KCNK2: variants seen among roughly 807,000 people sequenced by gnomAD.
KCNK2 encodes potassium channel subfamily K member 2.
KCNK2 carries 21 observed loss-of-function variants against 40.5 expected under a neutral mutation model. That is an observed-to-expected ratio of 0.52 (90% CI 0.37 to 0.75). The LOEUF (loss-of-function observed/expected upper bound fraction) is 0.75. Among genes scored for constraint, KCNK2 ranks in the 30% least tolerant of loss-of-function variants. KCNK2 has a pLI of 0.00. For synonymous variants in KCNK2, 191 were observed against 202.2 expected, an observed-to-expected ratio of 0.94 and a Z score of 0.47; for missense variants, 399 against 531.6, an observed-to-expected ratio of 0.75 and a Z score of 2.45.
chr1:215,230,983 C>A (rs1045528841), intron 6 of KCNK2, among the ~76,000 whole-genome samples: 1 of 152,124 alleles, frequency 6.6e-6, no homozygotes, highest in African/African-American at 2.4e-5. Context: ...TTGCATTCAG[C>A]CTTTTCCTAA....
At chr1:215,053,883 C>T (rs1469436963) in intron 1 of KCNK2, among the ~76,000 whole-genome samples, 1 of 152,210 alleles carries the variant, frequency 6.6e-6, no homozygotes, top group Non-Finnish European at 1.5e-5. Context: ...AGGAGAACCT[C>T]TGGAGGCCGG....
intron 5 of KCNK2, among the ~76,000 whole-genome samples, chr1:215,190,688 G>A (rs968065065): frequency 6.6e-6 from 1 of 152,164 alleles, no homozygotes; most frequent in Non-Finnish European, 1.5e-5. Context: ...TGGATCATCA[G>A]CTTTATTGCT....
At chr1:215,230,586 A>AATATAT (rs67678689) in intron 6 of KCNK2, among the ~76,000 whole-genome samples, 12 of 122,724 alleles carry the variant, frequency 9.8e-5, no homozygotes, top group African/African-American at 4.0e-4. Context: ...ACAAGACCGT[A>AATATAT]ATATATATAT....
At chr1:215,233,953 T>G (rs1666773924) in intron 6 of KCNK2, among the ~76,000 whole-genome samples, 1 of 152,216 alleles carries the variant, frequency 6.6e-6, no homozygotes, top group African/African-American at 2.4e-5. Context: ...TGGCACTTTT[T>G]TTTCTTTAAT....
intron 6 of KCNK2, among the ~76,000 whole-genome samples, chr1:215,201,582 T>C (rs911149043): frequency 2.0e-5 from 3 of 152,214 alleles, no homozygotes; most frequent in Non-Finnish European, 4.4e-5. Context: ...AATTATTTAA[T>C]GTTGAGTTCC....
chr1:215,018,928 G>A (rs1656687779), intron 1 of KCNK2, among the ~76,000 whole-genome samples: 1 of 152,064 alleles, frequency 6.6e-6, no homozygotes, highest in South Asian at 2.1e-4. Flanking sequence ...CACTGCAGGT[G>A]AGAGATGAAG....
intron 3 of KCNK2, among the ~76,000 whole-genome samples, chr1:215,125,880 G>A (rs1661412954): frequency 6.6e-6 from 1 of 150,888 alleles, no homozygotes; most frequent in East Asian, 1.9e-4. Flanking sequence ...TGCATTTCAA[G>A]CATATTTTTT....
At chr1:215,010,851 A>ATTTT (rs66945279) in intron 1 of KCNK2, among the ~76,000 whole-genome samples, 12 of 125,454 alleles carry the variant, frequency 9.6e-5, no homozygotes, top group Non-Finnish European at 1.3e-4. Flanking sequence ...CAGGACACAG[A>ATTTT]TTTTTTTTTT....
intron 5 of KCNK2, among the ~76,000 whole-genome samples, chr1:215,190,404 G>A (rs1214917848): frequency 6.6e-6 from 1 of 152,088 alleles, no homozygotes; most frequent in African/African-American, 2.4e-5. Context: ...ATAGGTTGGT[G>A]GATAAATGAT....
In KCNK2 at chr1:215,236,090, A is replaced by ATCTATCTATCTATCTG. The variant is rs1553277301; in HGVS notation, c.*953_*954insTCTATCTGTCTATCTA. 16 of 151,762 alleles carry ATCTATCTATCTATCTG rather than the reference A, an allele frequency of 1.1e-4. No homozygotes were observed. The highest frequency in any genetic ancestry group is 3.9e-4 in the African/African-American group (16 of 40,760). The allele number at this position is 151,762 out of a possible 1,614,324, so 9.4% of individuals were successfully genotyped here. ...TATCTATCTATCTATCTATCTATCT[A>ATCTATCTATCTATCTG]TCTATCTAAATGACCTGACAGAAGA... On this transcript the variant is annotated 3_prime_UTR_variant, in exon 7 of 7. Coordinates refer to ENST00000444842, the MANE Select transcript of KCNK2 (RefSeq NM_001017425.3).
intron 4 of KCNK2, among the ~76,000 whole-genome samples, chr1:215,170,906 T>G (rs1010016829): frequency 6.6e-6 from 1 of 152,112 alleles, no homozygotes; most frequent in Non-Finnish European, 1.5e-5. Flanking sequence ...CATGCCCTTA[T>G]GGTGATGACA....
At chr1:215,198,280 C>CA (rs1305099828) in intron 6 of KCNK2, among the ~76,000 whole-genome samples, 4 of 152,098 alleles carry the variant, frequency 2.6e-5, no homozygotes, top group Non-Finnish European at 5.9e-5. Context: ...GTGAACCCTC[C>CA]AAAGTTTCAG....
At chr1:215,200,448 G>A (rs1226938258) in intron 6 of KCNK2, among the ~76,000 whole-genome samples, 4 of 152,168 alleles carry the variant, frequency 2.6e-5, no homozygotes, top group Admixed American at 2.0e-4. Flanking sequence ...AAAGTTTGCA[G>A]TAGATCACTT....
At chr1:215,023,819 C>T (rs938956179) in intron 1 of KCNK2, among the ~76,000 whole-genome samples, 1 of 152,180 alleles carries the variant, frequency 6.6e-6, no homozygotes, top group Middle Eastern at 3.2e-3. Context: ...GATTTAGATG[C>T]AGCTTTTATC....
chr1:215,195,753 A>G (rs1664837595), intron 6 of KCNK2, among the ~76,000 whole-genome samples: 1 of 152,156 alleles, frequency 6.6e-6, no homozygotes, highest in South Asian at 2.1e-4. Flanking sequence ...TTGGAAATTA[A>G]ATTTTGATTT....
intron 6 of KCNK2, among the ~76,000 whole-genome samples, chr1:215,220,792 G>T (rs1370903485): frequency 6.9e-6 from 1 of 145,018 alleles, no homozygotes; most frequent in African/African-American, 2.6e-5. Flanking sequence ...AATACATAAT[G>T]AATGCATATT....
chr1:215,041,267 A>G (rs1418264130), intron 1 of KCNK2, among the ~76,000 whole-genome samples: 1 of 152,178 alleles, frequency 6.6e-6, no homozygotes, highest in Admixed American at 6.5e-5. Context: ...TTTCCTGTCT[A>G]TAAACTGAGG....
At chr1:215,088,586 A>C (rs1200730477) in intron 2 of KCNK2, among the ~76,000 whole-genome samples, 1 of 152,048 alleles carries the variant, frequency 6.6e-6, no homozygotes, top group African/African-American at 2.4e-5. Context: ...AAAAAAAAAA[A>C]AAAACCATGA....
intron 1 of KCNK2, 80 bp downstream of exon 1, chr1:215,083,511 G>GC: frequency 2.0e-6 from 2 of 1,022,386 alleles, no homozygotes; most frequent in East Asian, 2.4e-5. Flanking sequence ...GACTGCAAAT[G>GC]CCCCCTCTCA....
Sources: gnomAD v4.1 joint callset for allele counts (sites outside exome capture counted in the v4.1 genomes callset) on GRCh38, gnomAD v4.1.1 for gene constraint, MANE v1.5 for transcripts, NCBI Gene and HGNC (gene_info 2026-07-23, HGNC 2026-07-21) for gene names.